The following NR5A2 variants were observed in gnomAD, a reference collection of about 807,000 sequenced individuals.
NR5A2 encodes nuclear receptor subfamily 5 group A member 2.
A neutral mutation model predicts 62.7 loss-of-function variants in NR5A2; 26 were observed. That is an observed-to-expected ratio of 0.41 (90% CI 0.30 to 0.58). The LOEUF (loss-of-function observed/expected upper bound fraction) is 0.58, where lower values mean the gene tolerates loss of function less well. Among genes scored for constraint, NR5A2 ranks in the 20% least tolerant of loss-of-function variants. The pLI is 0.22. For synonymous variants in NR5A2, 246 were observed against 241.7 expected, an observed-to-expected ratio of 1.02 and a Z score of -0.16; for missense variants, 541 against 669.1, an observed-to-expected ratio of 0.81 and a Z score of 2.11.
At chr1:200,143,566 C>T (rs749848957) in intron 7 of NR5A2, among the ~76,000 whole-genome samples, 4 of 151,772 alleles carry the variant, frequency 2.6e-5, no homozygotes, top group Non-Finnish European at 5.9e-5. Flanking sequence ...ATGGTTGCCA[C>T]ACTTTAGGCC....
chr1:200,067,531 G>A (rs780106753), intron 5 of NR5A2, among the ~76,000 whole-genome samples: 5 of 152,124 alleles, frequency 3.3e-5, no homozygotes, highest in South Asian at 4.1e-4. Context: ...ACTCCAGCCT[G>A]GGCAACAAGA....
chr1:200,117,787 C>T (rs1294399656), intron 6 of NR5A2, among the ~76,000 whole-genome samples: 1 of 151,802 alleles, frequency 6.6e-6, no homozygotes, highest in African/African-American at 2.4e-5. Flanking sequence ...AATCTCGGCT[C>T]ACTGCAACCT....
chr1:200,152,408 T>G (rs769064571), intron 7 of NR5A2, among the ~76,000 whole-genome samples: 24 of 152,240 alleles, frequency 1.6e-4, no homozygotes, highest in Non-Finnish European at 2.9e-5. Context: ...CTCCAGTTAT[T>G]TTTTATCTTT....
intron 7 of NR5A2, among the ~76,000 whole-genome samples, chr1:200,134,081 T>G (rs929147957): frequency 1.3e-5 from 2 of 152,174 alleles, no homozygotes; most frequent in African/African-American, 2.4e-5. Context: ...AGCTGTACAA[T>G]GTATTTGTGT....
At chr1:200,103,145 T>G (rs1665469523) in intron 5 of NR5A2, among the ~76,000 whole-genome samples, 1 of 131,316 alleles carries the variant, frequency 7.6e-6, no homozygotes. Flanking sequence ...TTTTTTTGAG[T>G]TGGAGTCTCA....
chr1:200,121,039 T>A, intron 7 of NR5A2, 84 bp downstream of exon 7: 1 of 1,446,592 alleles, frequency 6.9e-7, no homozygotes, highest in Non-Finnish European at 9.6e-7. Flanking sequence ...TCCATGTATG[T>A]TTTTGTTCTA....
intron 2 of NR5A2, among the ~76,000 whole-genome samples, chr1:200,042,307 GCA>G (rs1267454657): frequency 6.6e-6 from 1 of 152,122 alleles, no homozygotes; most frequent in Non-Finnish European, 1.5e-5. Flanking sequence ...GGGTCTGCGC[GCA>G]GTCCTTAGCC....
chr1:200,039,925 C>A lies in NR5A2; in HGVS notation c.202+130C>A. ...GCTGGGCGCTCGCAGCCGCGGGAGT[C>A]AAGCCCCCTCCCCAGGTGCAGGCAT... On this transcript the variant is annotated intron_variant, in intron 2 of 7. Coordinates refer to ENST00000367362, the MANE Select transcript of NR5A2 (RefSeq NM_205860.3). The surrounding 1 kb of genome is among the most constrained non-coding windows in gnomAD (Gnocchi z 5.1). The A allele has an allele frequency of 1.0e-6, 1 of 981,358 alleles. No individual in the cohort carries two copies. The highest frequency in any genetic ancestry group is 1.4e-6 in the Non-Finnish European group (1 of 703,100). 60.8% of individuals were successfully genotyped at this position (981,358 alleles called of 1,614,324 possible). A position where few individuals can be genotyped will look rare whatever the true frequency, so the allele number is the denominator to read the frequency against.
chr1:200,092,246 G>A (rs1354042301), intron 5 of NR5A2, among the ~76,000 whole-genome samples: 1 of 152,150 alleles, frequency 6.6e-6, no homozygotes, highest in East Asian at 1.9e-4. Context: ...TCTATTTAAT[G>A]CTATATAATT....
At chr1:200,170,642 A>G (rs1242512266) in intron 7 of NR5A2, among the ~76,000 whole-genome samples, 2 of 152,230 alleles carry the variant, frequency 1.3e-5, no homozygotes, top group Non-Finnish European at 2.9e-5. Context: ...TCCAGTCCGC[A>G]GCATCCCAGG....
chr1:200,075,205 T>A (rs940915695), intron 5 of NR5A2, among the ~76,000 whole-genome samples: 1 of 152,212 alleles, frequency 6.6e-6, no homozygotes, highest in East Asian at 1.9e-4. Context: ...CAATATATAT[T>A]TTTTAGAATG....
At chr1:200,153,929 A>G (rs773246874) in intron 7 of NR5A2, among the ~76,000 whole-genome samples, 2 of 152,230 alleles carry the variant, frequency 1.3e-5, no homozygotes, top group South Asian at 2.1e-4. Context: ...TGAATTTTCT[A>G]ATTAAGAAAA....
At chr1:200,050,287 T>G (rs1662567844) in intron 5 of NR5A2, among the ~76,000 whole-genome samples, 1 of 152,230 alleles carries the variant, frequency 6.6e-6, no homozygotes, top group Non-Finnish European at 1.5e-5. Context: ...AAATGAAAAT[T>G]AAAATGATAA....
intron 5 of NR5A2, among the ~76,000 whole-genome samples, chr1:200,072,870 G>A (rs1490777462): frequency 6.6e-6 from 1 of 152,122 alleles, no homozygotes; most frequent in Non-Finnish European, 1.5e-5. Context: ...CATAGGAAAT[G>A]TTTCTAGCAA....
chr1:200,114,235 C>T (rs376838765), intron 6 of NR5A2, among the ~76,000 whole-genome samples: 2 of 46,192 alleles, frequency 4.3e-5, no homozygotes, highest in African/African-American at 6.7e-5. Flanking sequence ...TATATATATA[C>T]ACACACACAC....
chr1:200,144,819 G>T (rs554908838), intron 7 of NR5A2, among the ~76,000 whole-genome samples: 3 of 152,156 alleles, frequency 2.0e-5, no homozygotes, highest in Admixed American at 6.6e-5. Context: ...GAAATTGAGC[G>T]TGAGTAAGTC....
intron 4 of NR5A2, 54 bp downstream of exon 4, chr1:200,045,638 G>T (rs2363454): frequency 0.15 from 218,566 of 1,445,224 alleles, 17,712 homozygotes; most frequent in African/African-American, 0.25. Flanking sequence ...GACATGAACT[G>T]TAAAACAACA....
intron 5 of NR5A2, 61 bp from the exon 6 acceptor site, chr1:200,111,141 G>C: frequency 6.4e-7 from 1 of 1,570,462 alleles, no homozygotes; most frequent in South Asian, 1.2e-5. Context: ...AAACAAAAAA[G>C]TAGTGAATAA....
intron 1 of NR5A2, among the ~76,000 whole-genome samples, chr1:200,032,666 G>GATATAT (rs148188489): frequency 6.7e-6 from 1 of 149,866 alleles, no homozygotes; most frequent in African/African-American, 2.4e-5. Flanking sequence ...AAGGGGAACT[G>GATATAT]ATATATATAT....
Sources: gnomAD v4.1 joint callset for allele counts (sites outside exome capture counted in the v4.1 genomes callset) on GRCh38, gnomAD v4.1.1 for gene constraint, Gnocchi (gnomAD v3.1) non-coding constraint, MANE v1.5 for transcripts, NCBI Gene and HGNC (gene_info 2026-07-23, HGNC 2026-07-21) for gene names.